Variants in GTF2IRD1 observed in about 807,000 individuals in gnomAD.
The protein encoded by GTF2IRD1 is GTF2I repeat domain containing 1.
In GTF2IRD1, 26 loss-of-function variants were observed where a neutral mutation model predicts 113.2. The ratio of observed to expected loss-of-function variants is 0.23; its 90% CI spans 0.17 to 0.32. The LOEUF is 0.32. Among genes scored for constraint, GTF2IRD1 ranks in the 10% least tolerant of loss-of-function variants. The pLI, the probability that GTF2IRD1 is intolerant of heterozygous loss-of-function variation, is 1.00. For synonymous variants in GTF2IRD1, 484 were observed against 529.1 expected, an observed-to-expected ratio of 0.91 and a Z score of 1.17; for missense variants, 864 against 1,280.8, an observed-to-expected ratio of 0.67 and a Z score of 4.97.
At chr7:74,508,227 A>T (rs1554341719) in intron 2 of GTF2IRD1, 24 bp downstream of exon 2, 1 of 1,605,278 alleles carries the variant, frequency 6.2e-7, no homozygotes, top group South Asian at 1.1e-5. Context: ...CCCACCCAAG[A>T]GGAGGGGACA....
At chr7:74,507,648 G>C (rs1796372165) in intron 1 of GTF2IRD1, 2 of 174,648 alleles carry the variant, frequency 1.1e-5, no homozygotes, top group African/African-American at 4.7e-5. Context: ...GAGTGTGAGG[G>C]GGAACTGGAG....
At chr7:74,538,264 G>A in intron 12 of GTF2IRD1, 91 bp downstream of exon 12, 1 of 1,307,410 alleles carries the variant, frequency 7.6e-7, no homozygotes, top group South Asian at 1.2e-5. Context: ...GCTCAACTCA[G>A]CCCATGAGCC....
chr7:74,559,356 G>T (rs1554358335), intron 21 of GTF2IRD1, among the ~76,000 whole-genome samples: 1 of 152,210 alleles, frequency 6.6e-6, no homozygotes, highest in Non-Finnish European at 1.5e-5. Context: ...CCATCAGAGG[G>T]ATTTGCCCAA....
chr7:74,585,477 C>CT (rs1237840264), intron 22 of GTF2IRD1, among the ~76,000 whole-genome samples: 1 of 152,034 alleles, frequency 6.6e-6, no homozygotes, highest in Non-Finnish European at 1.5e-5. Flanking sequence ...AGAGCTCTGA[C>CT]TTTGAGTCTC....
At chr7:74,564,684 A>G (rs1554360110) in intron 22 of GTF2IRD1, among the ~76,000 whole-genome samples, 1 of 152,124 alleles carries the variant, frequency 6.6e-6, no homozygotes, top group African/African-American at 2.4e-5. Context: ...CGAGCCTAGG[A>G]GTTGGAGGCT....
intron 1 of GTF2IRD1, among the ~76,000 whole-genome samples, chr7:74,477,506 G>A (rs1794495386): frequency 6.6e-6 from 1 of 151,934 alleles, no homozygotes. Flanking sequence ...GCCAGGGGAG[G>A]GAGGGGGCAT....
At chr7:74,578,902 G>A (rs1583941773) in intron 22 of GTF2IRD1, among the ~76,000 whole-genome samples, 2 of 151,620 alleles carry the variant, frequency 1.3e-5, no homozygotes, top group South Asian at 2.1e-4. Flanking sequence ...CGGGAGGATC[G>A]CTTCAGCCCA....
At chr7:74,563,234 T>C (rs1249080410) in intron 22 of GTF2IRD1, among the ~76,000 whole-genome samples, 1 of 152,038 alleles carries the variant, frequency 6.6e-6, no homozygotes, top group African/African-American at 2.4e-5. Flanking sequence ...CAGCAGGGAA[T>C]TCCCAGGAGG....
Position 74,544,794 on chromosome 7 carries a change from C to T in GTF2IRD1, c.1658C>T (p.Pro553Leu), listed in dbSNP as rs781800562. The T allele has an allele frequency of 1.9e-6, 3 of 1,613,618 alleles. No individual in the cohort carries two copies. The highest frequency in any genetic ancestry group is 2.5e-6 in the Non-Finnish European group (3 of 1,179,640). ...GAGGACGCGCGGCCCGAGGAGAGGC[C>T]CGTGGAGGGTGAGGCCCTGTCTACC... Reference protein sequence around the residue: ...LSEDARPEERPVEDSHGDVIR... With the variant: ...LSEDARPEERLVEDSHGDVIR... Residue 553 changes from proline (P) to leucine (L), a missense_variant, in exon 15 of 27, where the codon CCC (proline) becomes CTC (leucine). Transcript: ENST00000424337.
At chr7:74,585,410 G>A (rs1395751268) in intron 22 of GTF2IRD1, among the ~76,000 whole-genome samples, 3 of 152,238 alleles carry the variant, frequency 2.0e-5, no homozygotes, top group African/African-American at 7.2e-5. Flanking sequence ...ACCGTGCCCG[G>A]TCTGGGCCTC....
At chr7:74,597,697 A>G (rs1329798754) in intron 25 of GTF2IRD1, among the ~76,000 whole-genome samples, 2 of 152,100 alleles carry the variant, frequency 1.3e-5, no homozygotes, top group Non-Finnish European at 2.9e-5. Flanking sequence ...AAAAATACTG[A>G]TCTAATCTTA....
At chr7:74,585,884 CAAAAAA>C (rs60492561) in intron 22 of GTF2IRD1, among the ~76,000 whole-genome samples, 2 of 137,210 alleles carry the variant, frequency 1.5e-5, no homozygotes, top group African/African-American at 5.3e-5. Context: ...AAGACTCTTC[CAAAAAA>C]AAAAAGAAAA....
intron 1 of GTF2IRD1, among the ~76,000 whole-genome samples, chr7:74,480,391 A>G (rs1794666386): frequency 6.6e-6 from 1 of 152,198 alleles, no homozygotes; most frequent in African/African-American, 2.4e-5. Flanking sequence ...GCCCCAGTGC[A>G]GGGGCAAGCG....
chr7:74,599,230 C>T (rs782464205), intron 25 of GTF2IRD1, among the ~76,000 whole-genome samples: 1 of 152,140 alleles, frequency 6.6e-6, no homozygotes, highest in East Asian at 1.9e-4. Context: ...GCCAAGACCA[C>T]ACCACTGCAC....
At chr7:74,527,842 G>GAA (rs199736534) in intron 8 of GTF2IRD1, among the ~76,000 whole-genome samples, 2 of 147,146 alleles carry the variant, frequency 1.4e-5, no homozygotes, top group Non-Finnish European at 3.0e-5. Flanking sequence ...CTCCATCAGG[G>GAA]AAAAAAAAAA....
At chr7:74,574,410 C>T (rs1008105797) in intron 22 of GTF2IRD1, among the ~76,000 whole-genome samples, 1 of 150,932 alleles carries the variant, frequency 6.6e-6, no homozygotes, top group Non-Finnish European at 1.5e-5. Context: ...TCCCAAAGTG[C>T]TGGGATTACA....
At position 74,602,516 on chromosome 7, in the gene GTF2IRD1, C is replaced by A; in HGVS notation, c.*83C>A. 8.7e-7 allele frequency: 1 copy of A among 1,155,052 alleles called. No individual in the cohort carries two copies. Among genetic ancestry groups the A allele is most frequent in the South Asian group, 1.3e-5 (1 of 75,144 alleles). The allele number at this position is 1,155,052 out of a possible 1,614,324, so 71.6% of individuals were successfully genotyped here. ...ACAAAATGTATATTCGGATATGTATCGATGCCTTTTAGTTTTTCCAATGAT... is the reference window on the plus strand; with the variant it reads ...ACAAAATGTATATTCGGATATGTATAGATGCCTTTTAGTTTTTCCAATGAT... On this transcript the variant is annotated 3_prime_UTR_variant, in exon 27 of 27. Coordinates refer to ENST00000424337, the MANE Select transcript of GTF2IRD1 (RefSeq NM_005685.4).
At chr7:74,574,150 A>ATTTTTTTTTTTT (rs71094796) in intron 22 of GTF2IRD1, among the ~76,000 whole-genome samples, 163 of 104,804 alleles carry the variant, frequency 1.6e-3, no homozygotes, top group Non-Finnish European at 2.0e-3. Context: ...CACCAAGCTA[A>ATTTTTTTTTTTT]TTTTTTTTTT....
chr7:74,602,268 G>C (rs1008158262), intron 26 of GTF2IRD1, 97 bp from the exon 27 acceptor site: 5 of 1,440,082 alleles, frequency 3.5e-6, no homozygotes, highest in East Asian at 2.4e-5. Context: ...TAAATAAATA[G>C]CCTCTGAGAA....
Sources: allele counts gnomAD v4.1 joint callset (sites outside exome capture counted in the v4.1 genomes callset), GRCh38; gene constraint gnomAD v4.1.1; transcripts MANE v1.5; gene names NCBI Gene and HGNC (gene_info 2026-07-23, HGNC 2026-07-21).